The following KSR1 variants were observed in gnomAD, a reference collection of about 807,000 sequenced individuals.
The protein encoded by KSR1 is kinase suppressor of ras.
In KSR1, 35 loss-of-function variants were observed where a neutral mutation model predicts 92.9. The ratio of observed to expected loss-of-function variants is 0.38; its 90% CI spans 0.29 to 0.50. The LOEUF (loss-of-function observed/expected upper bound fraction) is 0.50. Among genes scored for constraint, KSR1 ranks in the 20% least tolerant of loss-of-function variants. The pLI, the probability that KSR1 is intolerant of heterozygous loss-of-function variation, is 0.94. For missense variants in KSR1, 972 were observed against 1,158.5 expected, an observed-to-expected ratio of 0.84 and a Z score of 2.34; for synonymous variants, 467 against 472.6, an observed-to-expected ratio of 0.99 and a Z score of 0.15.
chr17:27,577,311 G>A lies in KSR1; in HGVS notation c.373-181G>A. The A allele has an allele frequency of 3.5e-6, 2 of 567,780 alleles. No individual in the cohort carries two copies. Among genetic ancestry groups the A allele is most frequent in the South Asian group, 4.2e-5 (2 of 47,882 alleles). The allele number at this position is 567,780 out of a possible 1,614,324, so 35.2% of individuals were successfully genotyped here. On this transcript the variant is annotated intron_variant, in intron 2 of 20. Coordinates refer to ENST00000644974, the MANE Select transcript of KSR1 (RefSeq NM_001394583.1). This position sits in a 1 kb window ranked among gnomAD's most constrained non-coding sequence, Gnocchi z 4.5. ...TCTGCTTCAGCTGCTGTCTCTGGGA[G>A]CCTGGAGGGTGGGGGCCAGGGAGCT... is the stretch of plus-strand genomic sequence containing the variant.
At chr17:27,599,746 A>AT (rs993266694) in intron 10 of KSR1, among the ~76,000 whole-genome samples, 14 of 152,186 alleles carry the variant, frequency 9.2e-5, no homozygotes, top group South Asian at 2.1e-4. Flanking sequence ...ATCTTTAAAC[A>AT]TTTTTTTTAA....
intron 17 of KSR1, chr17:27,611,210 T>C: frequency 2.4e-6 from 1 of 411,998 alleles, no homozygotes; most frequent in Non-Finnish European, 4.4e-6. Flanking sequence ...ATCTTGCAGC[T>C]AGAAGGTGGC....
intron 11 of KSR1, 140 bp from the exon 12 acceptor site, chr17:27,603,694 T>C: frequency 1.2e-6 from 1 of 802,680 alleles, no homozygotes; most frequent in Non-Finnish European, 2.1e-6. Flanking sequence ...GGCTGGTCCT[T>C]GTGGGAGTGT....
chr17:27,611,685 T>C (rs2073922057), intron 18 of KSR1, 56 bp downstream of exon 18: 1 of 1,604,660 alleles, frequency 6.2e-7, no homozygotes. Context: ...GTGGGGCATG[T>C]GGCATGGCTG....
intron 1 of KSR1, among the ~76,000 whole-genome samples, chr17:27,460,271 G>A (rs1261133288): frequency 6.6e-6 from 1 of 152,132 alleles, no homozygotes; most frequent in Non-Finnish European, 1.5e-5. Context: ...TCTGCCCAGC[G>A]CTGGGGAGAC....
intron 2 of KSR1, among the ~76,000 whole-genome samples, chr17:27,572,788 G>C: frequency 6.6e-6 from 1 of 152,224 alleles, no homozygotes; most frequent in East Asian, 1.9e-4. Context: ...GGGTGGGCGA[G>C]TCACATCCAT....
chr17:27,593,808 C>A (rs969358215), intron 9 of KSR1, among the ~76,000 whole-genome samples: 1 of 152,236 alleles, frequency 6.6e-6, no homozygotes, highest in Non-Finnish European at 1.5e-5. Context: ...AAATTAGTTT[C>A]TCATGGTTCT....
chr17:27,505,985 T>G (rs562968723), intron 1 of KSR1, among the ~76,000 whole-genome samples: 2 of 152,306 alleles, frequency 1.3e-5, no homozygotes, highest in South Asian at 4.1e-4. Context: ...TTTTCTCATT[T>G]TTTTCTTTTC....
intron 1 of KSR1, among the ~76,000 whole-genome samples, chr17:27,482,135 C>T (rs1431321183): frequency 6.6e-6 from 1 of 152,082 alleles, no homozygotes; most frequent in East Asian, 1.9e-4. Context: ...GGGTAAAGAA[C>T]ATCTCCAGGC....
chr17:27,575,935 G>A (rs1422758804), intron 2 of KSR1, among the ~76,000 whole-genome samples: 2 of 152,198 alleles, frequency 1.3e-5, no homozygotes, highest in African/African-American at 4.8e-5. Context: ...CAAGGTGTAG[G>A]CCAGGCCTTC....
chr17:27,570,541 A>G (rs919855841), intron 2 of KSR1, among the ~76,000 whole-genome samples: 4 of 152,136 alleles, frequency 2.6e-5, no homozygotes, highest in African/African-American at 9.7e-5. Flanking sequence ...TTTCAATCCC[A>G]GGCTTACCAA....
chr17:27,609,395 T>G (rs1168870354), intron 16 of KSR1, 66 bp downstream of exon 16: 2 of 1,590,550 alleles, frequency 1.3e-6, no homozygotes, highest in Non-Finnish European at 8.6e-7. Context: ...GGCTGAGGTC[T>G]GGGCACTTTC....
At chr17:27,524,971 C>T (rs1431751006) in intron 1 of KSR1, among the ~76,000 whole-genome samples, 4 of 152,182 alleles carry the variant, frequency 2.6e-5, no homozygotes, top group Admixed American at 6.5e-5. Context: ...AAGAAAAAAT[C>T]TTATGCCCAT....
chr17:27,582,586 A>ATC (rs1420256617), intron 3 of KSR1, 60 bp from the exon 4 acceptor site: 9 of 1,481,254 alleles, frequency 6.1e-6, no homozygotes, highest in Non-Finnish European at 8.3e-6. Context: ...GCCCCTAGCC[A>ATC]TCTCCCCTGT....
intron 2 of KSR1, among the ~76,000 whole-genome samples, chr17:27,567,521 C>A (rs1020525027): frequency 1.3e-5 from 2 of 152,202 alleles, no homozygotes; most frequent in African/African-American, 4.8e-5. Flanking sequence ...AGGCCTAGGA[C>A]CTGGCTAGGC....
chr17:27,526,045 TCTCTCTCTCTCTC>T (rs2070265631), intron 1 of KSR1, among the ~76,000 whole-genome samples: 5 of 117,972 alleles, frequency 4.2e-5, no homozygotes, highest in South Asian at 3.0e-4. Flanking sequence ...TTCTTTTCTT[TCTCTCTCTCTCTC>T]TCTCTTTCTT....
intron 1 of KSR1, among the ~76,000 whole-genome samples, chr17:27,548,732 A>G (rs2071280623): frequency 6.6e-6 from 1 of 152,084 alleles, no homozygotes; most frequent in Non-Finnish European, 1.5e-5. Context: ...TGGGAAGCTG[A>G]GGCACAAGAA....
chr17:27,499,532 C>T lies in KSR1; in HGVS notation c.231+42658C>T, dbSNP rs552601819. 4.5e-4 allele frequency among the ~76,000 whole-genome samples: 69 copies of T among 152,328 alleles called. 2 individuals are homozygous for T. In the South Asian group the frequency reaches 0.014, roughly 32 times the overall value. On this transcript the variant is annotated intron_variant, in intron 1 of 20. Transcript: ENST00000644974. ...AAATTTCCAGAAAGCATTATTAAAG[C>T]AGTTGCTTTGTGAGCACATGTTGAG... is the stretch of plus-strand genomic sequence containing the variant.
At chr17:27,508,200 T>C (rs901986366) in intron 1 of KSR1, among the ~76,000 whole-genome samples, 2 of 152,120 alleles carry the variant, frequency 1.3e-5, no homozygotes, top group Admixed American at 1.3e-4. Flanking sequence ...GTGGAGTGGC[T>C]TGTTAGGGTG....
Sources: allele counts gnomAD v4.1 joint callset (sites outside exome capture counted in the v4.1 genomes callset), GRCh38; gene constraint gnomAD v4.1.1; non-coding constraint Gnocchi (gnomAD v3.1); transcripts MANE v1.5; gene names NCBI Gene and HGNC (gene_info 2026-07-23, HGNC 2026-07-21).